Variants in SLC38A7 observed in about 807,000 individuals in gnomAD.
SLC38A7 encodes the protein solute carrier family 38 member 7.
Under a neutral mutation model 50.1 loss-of-function variants are expected in SLC38A7, and 29 were observed. The observed-to-expected ratio is 0.58, with a 90% CI of 0.43 to 0.79. The LOEUF is 0.79. SLC38A7 is among the 30% of genes least tolerant of loss of function. SLC38A7 has a pLI of 0.00. For synonymous variants in SLC38A7, 244 were observed against 245.9 expected (o/e 0.99, Z 0.07); for missense variants, 483 against 610.6 (o/e 0.79, Z 2.20).
rs559616572 is a variant in SLC38A7 at position 58,670,956 on chromosome 16, C to T, written c.1231+89G>A. ...TAGTGCTGGTGGTTACTCTCTCCTG[C>T]ATGTTTTGAGCAAGTAGGGAGCTGA... is the stretch of plus-strand genomic sequence containing the variant. On this transcript the variant is annotated intron_variant, in intron 10 of 11. Coordinates refer to ENST00000219320, the MANE Select transcript of SLC38A7 (RefSeq NM_018231.3). 2.6e-5 allele frequency: 36 copies of T among 1,389,580 alleles called. No individual in the cohort carries two copies. The East Asian group carries it at 5.5e-4, about 21-fold the overall frequency. 86.1% of individuals were successfully genotyped at this position (1,389,580 alleles called of 1,614,324 possible).
rs549071044 is a variant in SLC38A7, at chr16:58,677,336, T to C, written c.700A>G (p.Ile234Val). 3 of 1,613,994 alleles carry C rather than the reference T, an allele frequency of 1.9e-6. No homozygotes were observed. The highest frequency in any genetic ancestry group is 3.3e-5 in the Admixed American group (2 of 60,004). The change falls in exon 6 of 12, where the codon ATC becomes GTC. Residue 234 changes from isoleucine (I) to valine (V), a missense_variant. By Grantham distance (29) the Ile-to-Val change is conservative (BLOSUM62 3). Transcript: ENST00000219320. ...GGCCCTCACCCTCACCTGGTCAGGA[T>C]GTTCCCTGGGGTCATCTCTTTATCT... ...WPDKEMTPGNILTRPASWMAV... is the reference protein window; with the variant it reads ...WPDKEMTPGNVLTRPASWMAV...
chr16:58,671,507 C>G, intron 9 of SLC38A7: 1 of 558,898 alleles, frequency 1.8e-6, no homozygotes, highest in South Asian at 2.4e-5. Flanking sequence ...TCTGGGGCAT[C>G]CAAAGGGGAG....
rs2044318511 is a variant in SLC38A7 at position 58,678,518 on chromosome 16, G to A, written c.470-44C>T. On this transcript the variant is annotated intron_variant, in intron 4 of 11. Transcript: ENST00000219320. This position sits in a 1 kb window ranked among gnomAD's most constrained non-coding sequence, Gnocchi z 4.0. ...GGGAATGTCAAGCCAGGCCACCATG[G>A]GGTGTGGCCCTCCTGCTCTGCTGGG... is the stretch of plus-strand genomic sequence containing the variant. 7 of 1,546,710 alleles carry A rather than the reference G, an allele frequency of 4.5e-6. No homozygotes were observed. The highest frequency in any genetic ancestry group is 5.2e-6 in the Non-Finnish European group (6 of 1,143,716).
chr16:58,671,504 C>T, intron 9 of SLC38A7: 1 of 564,172 alleles, frequency 1.8e-6, no homozygotes, highest in Non-Finnish European at 3.2e-6. Context: ...CTGTCTGGGG[C>T]ATCCAAAGGG....
chr16:58,677,509 A>G, intron 5 of SLC38A7, 85 bp from the exon 6 acceptor site: 1 of 1,147,854 alleles, frequency 8.7e-7, no homozygotes, highest in East Asian at 2.4e-5. Flanking sequence ...CTTCAGCTCT[A>G]GCGACCACAA....
intron 9 of SLC38A7, chr16:58,671,528 T>A: frequency 1.9e-6 from 1 of 536,668 alleles, no homozygotes; most frequent in Non-Finnish European, 3.3e-6. Context: ...GGTGTCCATG[T>A]GAAAGCTCAG....
In SLC38A7 at chr16:58,672,120, T is replaced by C; in HGVS notation, c.1007A>G (p.Tyr336Cys). 1 of 1,557,342 alleles carries C rather than the reference T, an allele frequency of 6.4e-7. No homozygotes were observed. ...CCGCCCACAGAAGTGCAGGATAGGGTAGGAGGTGAGCACGCTCAGGATGAT... is the reference window on the plus strand; with the variant it reads ...CCGCCCACAGAAGTGCAGGATAGGGCAGGAGGTGAGCACGCTCAGGATGAT... ...AFIILSVLTS[Y>C]PILHFCGRAV... is the part of the protein sequence containing the mutation. Residue 336 changes from tyrosine (Y) to cysteine (C), a missense_variant, in exon 9 of 12, where the codon TAC (tyrosine) becomes TGC (cysteine). Tyr to Cys is a radical substitution (Grantham distance 194). Coordinates refer to ENST00000219320, the MANE Select transcript of SLC38A7 (RefSeq NM_018231.3).
At chr16:58,670,197 T>C in intron 10 of SLC38A7, 30 bp from the exon 11 acceptor site, 1 of 1,612,518 alleles carries the variant, frequency 6.2e-7, no homozygotes, top group South Asian at 1.1e-5. Flanking sequence ...CCTGAGCATT[T>C]GTGAGGGGAG....
At chr16:58,677,664 G>C in intron 5 of SLC38A7, 1 of 515,880 alleles carries the variant, frequency 1.9e-6, no homozygotes, top group Non-Finnish European at 3.5e-6. Context: ...AGGAAGTGCT[G>C]GTTCAGCTCC....
chr16:58,667,659 C>T (rs546220065), intron 11 of SLC38A7, among the ~76,000 whole-genome samples, 172 bp from the exon 12 acceptor site: 1 of 152,132 alleles, frequency 6.6e-6, no homozygotes, highest in Non-Finnish European at 1.5e-5. Flanking sequence ...GTGTATTGTC[C>T]CTAGTCCATA....
At chr16:58,670,295 C>T (rs2044135170) in intron 10 of SLC38A7, 128 bp from the exon 11 acceptor site, 3 of 842,638 alleles carry the variant, frequency 3.6e-6, no homozygotes, top group Admixed American at 2.4e-5. Flanking sequence ...GAAATTCCAT[C>T]TCTGCCCCCA....
At chr16:58,680,473 T>G (rs1185880864) in intron 2 of SLC38A7, among the ~76,000 whole-genome samples, 2 of 152,150 alleles carry the variant, frequency 1.3e-5, no homozygotes, top group Non-Finnish European at 2.9e-5. Context: ...GATGTCAACA[T>G]AAAATGGGTA....
chr16:58,667,555 A>G lies in SLC38A7; in HGVS notation c.1287-68T>C, dbSNP rs563774617. 3.9e-4 allele frequency: 464 copies of G among 1,177,110 alleles called. 6 individuals are homozygous for G. The East Asian group carries it at 0.011, about 28-fold the overall frequency. 72.9% of individuals were successfully genotyped at this position (1,177,110 alleles called of 1,614,324 possible). On this transcript the variant is annotated intron_variant, in intron 11 of 11. Coordinates refer to ENST00000219320, the MANE Select transcript of SLC38A7 (RefSeq NM_018231.3). The stretch of plus-strand genomic sequence containing the variant: ...CCCATGACTGCAGACTTCAATATAT[A>G]TAACTGTTAATTACTGTAATTATCG...
intron 6 of SLC38A7, among the ~76,000 whole-genome samples, chr16:58,676,930 A>G (rs940266970): frequency 5.9e-5 from 9 of 151,968 alleles, no homozygotes; most frequent in African/African-American, 2.2e-4. Context: ...CTGGGATTAC[A>G]GGCGTGAGCC....
At position 58,673,669 on chromosome 16, in the gene SLC38A7, T is replaced by G. The variant is rs192176354; in HGVS notation, c.884-1426A>C. Among the ~76,000 whole-genome samples the G allele has an allele frequency of 3.6e-3, 518 of 144,872 alleles. 8 individuals carry two copies. Among genetic ancestry groups the G allele is most frequent in the Admixed American group, 0.021 (307 of 14,640 alleles). Reference sequence around the variant, plus strand: ...GTGAGCCCCAGTGCCTGGCCGTTTTTTTTTTTTTTTTTAAAGACAGGATCT... The same window carrying G: ...GTGAGCCCCAGTGCCTGGCCGTTTTGTTTTTTTTTTTTAAAGACAGGATCT... On this transcript the variant is annotated intron_variant, in intron 8 of 11. Coordinates refer to ENST00000219320, the MANE Select transcript of SLC38A7 (RefSeq NM_018231.3).
chr16:58,667,483 A>G lies in SLC38A7; in HGVS notation c.1291T>C (p.Trp431Arg). Reference sequence around the variant, plus strand: ...AGGACTCCGTAGCTGACCAGCACCCACCAGCTGTAGAACAGAGGGTGAGAG... The same window carrying G: ...AGGACTCCGTAGCTGACCAGCACCCGCCAGCTGTAGAACAGAGGGTGAGAG... ...EMEEVKPASW[W>R]VLVSYGVLLV... The change falls in exon 12 of 12, where the codon TGG becomes CGG. Residue 431 changes from tryptophan to arginine, a missense_variant. By Grantham distance (101) the Trp-to-Arg change is moderately radical. Transcript: ENST00000219320. 6.2e-7 allele frequency: 1 copy of G among 1,608,616 alleles called. No homozygotes were observed. Among genetic ancestry groups the G allele is most frequent in the African/African-American group, 1.3e-5 (1 of 74,876 alleles).
chr16:58,676,483 G>C, intron 6 of SLC38A7, 137 bp from the exon 7 acceptor site: 1 of 875,712 alleles, frequency 1.1e-6, no homozygotes, highest in Non-Finnish European at 1.8e-6. Flanking sequence ...AGAAGTCTGG[G>C]AACAGGGAGA....
chr16:58,677,747 G>T (rs894251298), intron 5 of SLC38A7, among the ~76,000 whole-genome samples: 1 of 152,106 alleles, frequency 6.6e-6, no homozygotes, highest in South Asian at 2.1e-4. Flanking sequence ...GCCCAGCCCG[G>T]GCAGGGGCTG....
rs1452234364 is a variant in SLC38A7, at chr16:58,678,684, G to C, written c.469+12C>G. ...AAGAAGAGATGGGGTAGGGACTGAG[G>C]GAGAAGCTCACTCTTGTCCTGCTGG... On this transcript the variant is annotated intron_variant, in intron 4 of 11. Transcript: ENST00000219320. The surrounding 1 kb of genome is among the most constrained non-coding windows in gnomAD (Gnocchi z 4.0). 1 of 1,613,140 alleles carries C rather than the reference G, an allele frequency of 6.2e-7. No homozygotes were observed. The highest frequency in any genetic ancestry group is 1.7e-5 in the Admixed American group (1 of 59,844).
Sources: allele counts gnomAD v4.1 joint callset (sites outside exome capture counted in the v4.1 genomes callset), GRCh38; gene constraint gnomAD v4.1.1; non-coding constraint Gnocchi (gnomAD v3.1); transcripts MANE v1.5; gene names NCBI Gene and HGNC (gene_info 2026-07-23, HGNC 2026-07-21).